Variants in ULK4 observed in about 807,000 individuals in gnomAD.
ULK4 encodes inactive serine/threonine-protein kinase ULK4.
In ULK4, 133 loss-of-function variants were observed where a neutral mutation model predicts 160.6. The ratio of observed to expected loss-of-function variants is 0.83; its 90% confidence interval spans 0.72 to 0.96. The LOEUF (loss-of-function observed/expected upper bound fraction) is 0.96. Ranked by LOEUF, ULK4 falls within the 40% of genes least tolerant of loss-of-function variation. ULK4 has a pLI of 0.00. For synonymous variants in ULK4, 534 were observed against 539.8 expected (o/e 0.99, Z 0.15); for missense variants, 1,580 against 1,499.5 (o/e 1.05, Z -0.89).
At chr3:41,620,814 G>C (rs1262505160) in intron 30 of ULK4, among the ~76,000 whole-genome samples, 1 of 152,136 alleles carries the variant, frequency 6.6e-6, no homozygotes. Context: ...TAGGAAGAGA[G>C]GAAGTCAAAT....
chr3:41,520,133 G>A (rs572014160), intron 32 of ULK4, among the ~76,000 whole-genome samples: 1 of 152,256 alleles, frequency 6.6e-6, no homozygotes, highest in South Asian at 2.1e-4. Context: ...TCACAGTGTT[G>A]TGTAACCATC....
At chr3:41,858,706 T>A (rs1002891624) in intron 17 of ULK4, among the ~76,000 whole-genome samples, 2 of 148,008 alleles carry the variant, frequency 1.4e-5, no homozygotes, top group African/African-American at 2.6e-5. Context: ...GGTTTCACCA[T>A]GCTGCCCAGG....
intron 35 of ULK4, among the ~76,000 whole-genome samples, chr3:41,371,637 C>A (rs1466217257): frequency 6.6e-6 from 1 of 152,018 alleles, no homozygotes; most frequent in East Asian, 1.9e-4. Flanking sequence ...ACACTCCATC[C>A]GAAGGTCACC....
At chr3:41,481,818 C>A (rs2084334039) in intron 32 of ULK4, among the ~76,000 whole-genome samples, 1 of 122,900 alleles carries the variant, frequency 8.1e-6, no homozygotes, top group Non-Finnish European at 1.6e-5. Context: ...CAGAGCGAGA[C>A]TCCGTCTCAA....
chr3:41,529,638 C>T (rs796773779), intron 32 of ULK4, among the ~76,000 whole-genome samples: 2 of 152,228 alleles, frequency 1.3e-5, no homozygotes, highest in African/African-American at 4.8e-5. Flanking sequence ...GTGTGCAACA[C>T]CCTGCCCGGC....
At chr3:41,829,159 A>C (rs1321232841) in intron 18 of ULK4, among the ~76,000 whole-genome samples, 1 of 150,894 alleles carries the variant, frequency 6.6e-6, no homozygotes, top group East Asian at 1.9e-4. Context: ...GATGGATTAA[A>C]GACTTAAATG....
intron 34 of ULK4, among the ~76,000 whole-genome samples, chr3:41,439,310 T>C (rs2083106467): frequency 6.6e-6 from 1 of 152,126 alleles, no homozygotes; most frequent in African/African-American, 2.4e-5. Context: ...GTAACTATAG[T>C]ACCACTAGAT....
chr3:41,635,587 C>A (rs948349355), intron 30 of ULK4, among the ~76,000 whole-genome samples: 4 of 152,110 alleles, frequency 2.6e-5, no homozygotes, highest in Non-Finnish European at 4.4e-5. Flanking sequence ...ATAGGATCAA[C>A]CCAATCTCTA....
intron 18 of ULK4, among the ~76,000 whole-genome samples, chr3:41,822,932 C>T (rs745802009): frequency 6.6e-6 from 1 of 151,164 alleles, no homozygotes; most frequent in Non-Finnish European, 1.5e-5. Flanking sequence ...CCATGTTAGC[C>T]AGGATGGTCT....
At chr3:41,645,183 C>CT (rs749820999) in intron 30 of ULK4, among the ~76,000 whole-genome samples, 9,448 of 151,214 alleles carry the variant, frequency 0.062, 939 homozygotes, top group African/African-American at 0.21. Context: ...TTTTTTGTGT[C>CT]GTATTTCCTT....
At chr3:41,385,654 T>A (rs568769469) in intron 35 of ULK4, among the ~76,000 whole-genome samples, 1 of 152,330 alleles carries the variant, frequency 6.6e-6, no homozygotes, top group South Asian at 2.1e-4. Context: ...CTAAGATTTG[T>A]TATTCTGTTC....
chr3:41,807,177 T>TTA (rs1008322381), intron 19 of ULK4, among the ~76,000 whole-genome samples: 4 of 152,052 alleles, frequency 2.6e-5, no homozygotes, highest in Non-Finnish European at 4.4e-5. Context: ...TCTGAACATT[T>TTA]TATATATATG....
At chr3:41,635,392 AAAT>A (rs1429690752) in intron 30 of ULK4, among the ~76,000 whole-genome samples, 27 of 152,044 alleles carry the variant, frequency 1.8e-4, no homozygotes, top group Admixed American at 4.6e-4. Context: ...TAATTATAAA[AAAT>A]AATTATTAAG....
chr3:41,704,911 T>C, intron 27 of ULK4, 146 bp downstream of exon 27: 1 of 567,406 alleles, frequency 1.8e-6, no homozygotes, highest in Non-Finnish European at 3.0e-6. Flanking sequence ...ATTTCCTATG[T>C]TCATCCTGCC....
intron 34 of ULK4, among the ~76,000 whole-genome samples, chr3:41,438,152 G>A (rs1181826980): frequency 5.7e-5 from 8 of 141,256 alleles, no homozygotes; most frequent in African/African-American, 1.8e-4. Context: ...GGACAGCAAA[G>A]AAAGGCATTT....
chr3:41,333,941 C>T (rs557921979), intron 35 of ULK4, among the ~76,000 whole-genome samples: 1 of 152,188 alleles, frequency 6.6e-6, no homozygotes, highest in Admixed American at 6.5e-5. Context: ...GTTAATAAAG[C>T]TTCCAGACTT....
At chr3:41,723,622 C>T (rs2037548797) in intron 22 of ULK4, among the ~76,000 whole-genome samples, 1 of 152,150 alleles carries the variant, frequency 6.6e-6, no homozygotes, top group African/African-American at 2.4e-5. Context: ...CAGTTTGAAC[C>T]TTACATTACC....
At chr3:41,352,316 T>C (rs1418690956) in intron 35 of ULK4, among the ~76,000 whole-genome samples, 2 of 152,188 alleles carry the variant, frequency 1.3e-5, no homozygotes, top group Admixed American at 1.3e-4. Context: ...ACCTACACTG[T>C]CCTTGACAAG....
At chr3:41,657,827 A>AAAAAAAAAAAAC (rs2034999301) in intron 30 of ULK4, among the ~76,000 whole-genome samples, 2 of 150,322 alleles carry the variant, frequency 1.3e-5, no homozygotes, top group South Asian at 4.2e-4. Flanking sequence ...TTAAAAAAAA[A>AAAAAAAAAAAAC]AAAAAAAACA....
Sources: allele counts gnomAD v4.1 joint callset (sites outside exome capture counted in the v4.1 genomes callset), GRCh38; gene constraint gnomAD v4.1.1; transcripts MANE v1.5; gene names NCBI Gene and HGNC (gene_info 2026-07-23, HGNC 2026-07-21).